Variants in CSTB observed in about 807,000 individuals in gnomAD.
CSTB encodes the protein cystatin B.
Under a neutral mutation model 7.6 loss-of-function variants are expected in CSTB, and 8 were observed. The ratio of observed to expected loss-of-function variants is 1.05; its 90% CI spans 0.62 to 1.89. The LOEUF (loss-of-function observed/expected upper bound fraction) is 1.89. CSTB is among the 40% of genes most tolerant of loss of function. The pLI is 0.00. For missense variants in CSTB, 124 were observed against 126.4 expected, an observed-to-expected ratio of 0.98 and a Z score of 0.09; for synonymous variants, 56 against 55.3, an observed-to-expected ratio of 1.01 and a Z score of -0.06.
At chr21:43,775,902 T>C (rs2084007578) in intron 1 of CSTB, 1 of 341,226 alleles carries the variant, frequency 2.9e-6, no homozygotes, top group Non-Finnish European at 5.3e-6. Context: ...GCCTCATCCC[T>C]GGGGTTTCCT....
At chr21:43,774,525 A>G (rs939794813) in intron 2 of CSTB, 133 bp downstream of exon 2, 6 of 1,116,672 alleles carry the variant, frequency 5.4e-6, no homozygotes, top group Non-Finnish European at 8.1e-6. Flanking sequence ...CGATGGACAC[A>G]CACAGTAGGA....
intron 1 of CSTB, 112 bp downstream of exon 1, chr21:43,776,092 G>T: frequency 9.6e-7 from 1 of 1,046,258 alleles, no homozygotes; most frequent in Non-Finnish European, 1.4e-6. Flanking sequence ...GCCCGGGCCA[G>T]CCCAGGGGTG....
intron 1 of CSTB, chr21:43,775,190 T>C: frequency 3.3e-6 from 1 of 302,676 alleles, no homozygotes; most frequent in Non-Finnish European, 6.5e-6. Context: ...GCCACTGCAC[T>C]CCACCCTGGG....
intron 1 of CSTB, 30 bp downstream of exon 1, chr21:43,776,174 G>T: frequency 6.6e-7 from 1 of 1,522,458 alleles, no homozygotes. Context: ...GCAGGACTCC[G>T]GGCCGGCCCC....
At position 43,774,006 on chromosome 21, in the gene CSTB, C is replaced by T. The variant is rs540274837; in HGVS notation, c.*196G>A. 1.5e-6 allele frequency: 1 copy of T among 649,792 alleles called. No individual in the cohort carries two copies. The highest frequency in any genetic ancestry group is 1.8e-5 in the African/African-American group (1 of 54,788). The allele number at this position is 649,792 out of a possible 1,614,324, so 40.3% of individuals were successfully genotyped here. On this transcript the variant is annotated 3_prime_UTR_variant, in exon 3 of 3. Coordinates refer to ENST00000291568, the MANE Select transcript of CSTB (RefSeq NM_000100.4). ...ATATTCTGAAAGTAATTAAGATCAC[C>T]TATTGGGAAGGAAAGAAATCAACAC...
At position 43,776,239 on chromosome 21, in the gene CSTB, G is replaced by T; in HGVS notation, c.31C>A (p.Pro11Thr). MMCGAPSATQ[P>T]ATAETQHIAD... ...ATGTGCTGGGTCTCGGCGGTGGCCG[G>T]CTGCGTGGCGGAGGGCGCCCCGCAC... The change falls in exon 1 of 3, where the codon CCG becomes ACG. Residue 11 changes from proline (P) to threonine (T), a missense_variant. By Grantham distance (38) the Pro-to-Thr change is conservative. Coordinates refer to ENST00000291568, the MANE Select transcript of CSTB (RefSeq NM_000100.4). 1.3e-6 allele frequency: 2 copies of T among 1,529,336 alleles called. No homozygotes were observed. The highest frequency in any genetic ancestry group is 8.8e-7 in the Non-Finnish European group (1 of 1,141,162). 94.7% of individuals were successfully genotyped at this position (1,529,336 alleles called of 1,614,324 possible).
Position 43,774,328 on chromosome 21 carries a change from C to T in CSTB, c.171G>A (p.Val57=), listed in dbSNP as rs778853977. 6.2e-7 allele frequency: 1 copy of T among 1,614,184 alleles called. No individual in the cohort carries two copies. The highest frequency in any genetic ancestry group is 8.5e-7 in the Non-Finnish European group (1 of 1,180,036). The change falls in exon 3 of 3, where the codon GTG becomes GTA. Residue 57 remains valine, a splice_region_variant and synonymous_variant. Coordinates refer to ENST00000291568, the MANE Select transcript of CSTB (RefSeq NM_000100.4). ...GTACGAAGTCCTCGTCGCCGACGTG[C>T]ACCTGGGAAGAGAGCGGAGTGAGCG... The part of the protein sequence containing the change: ...VVAGTNYFIK[V]HVGDEDFVHL...
Position 43,774,102 on chromosome 21 carries a change from C to T in CSTB, c.*100G>A. The T allele has an allele frequency of 1.3e-6, 2 of 1,532,710 alleles. No homozygotes were observed. The highest frequency in any genetic ancestry group is 2.3e-5 in the South Asian group (2 of 88,494). 94.9% of individuals were successfully genotyped at this position (1,532,710 alleles called of 1,614,324 possible). A position where few individuals can be genotyped will look rare whatever the true frequency, so the allele number is the denominator to read the frequency against. ...CCCCTTCCACCCCAAGGGGCACAGCCCGGAGATGAAGCTTATTTTAGGATC... is the reference window on the plus strand; with the variant it reads ...CCCCTTCCACCCCAAGGGGCACAGCTCGGAGATGAAGCTTATTTTAGGATC... On this transcript the variant is annotated 3_prime_UTR_variant, in exon 3 of 3. Coordinates refer to ENST00000291568, the MANE Select transcript of CSTB (RefSeq NM_000100.4).
chr21:43,776,141 C>A (rs1236549919), intron 1 of CSTB, 63 bp downstream of exon 1: 2 of 1,441,084 alleles, frequency 1.4e-6, no homozygotes, highest in African/African-American at 3.0e-5. Context: ...CTCCAGGAGC[C>A]GCGGCCGCGC....
In CSTB at chr21:43,774,750, G is replaced by A; in HGVS notation, c.76C>T (p.Gln26Ter). The A allele has an allele frequency of 6.2e-7, 1 of 1,613,770 alleles. No homozygotes were observed. Among genetic ancestry groups the A allele is most frequent in the African/African-American group, 1.3e-5 (1 of 75,018 alleles). The change falls in exon 2 of 3, where the codon CAG becomes TAG. Residue 26 changes from glutamine (Q) to a stop codon, truncating the protein, a stop_gained. Transcript: ENST00000291568. LOFTEE classifies it high-confidence loss of function. ...TTCTTGTTTTCTTTCTCTTCAAGCT[G>A]GGACCTCACCTAGACAGAAGGGACA... ...TQHIADQVRS[Q>*]LEEKENKKFP... is the part of the protein sequence containing the mutation.
intron 1 of CSTB, 187 bp from the exon 2 acceptor site, chr21:43,774,946 GGGT>G: frequency 1.5e-6 from 1 of 647,130 alleles, no homozygotes; most frequent in South Asian, 1.7e-5. Flanking sequence ...AGTTCCAGCT[GGGT>G]ACGGTGGCTC....
chr21:43,774,095 G>A lies in CSTB; in HGVS notation c.*107C>T, dbSNP rs2083998064. ...AATCCTGCCCCTTCCACCCCAAGGG[G>A]CACAGCCCGGAGATGAAGCTTATTT... On this transcript the variant is annotated 3_prime_UTR_variant, in exon 3 of 3. Coordinates refer to ENST00000291568, the MANE Select transcript of CSTB (RefSeq NM_000100.4). The A allele has an allele frequency of 1.4e-6, 2 of 1,480,830 alleles. No homozygotes were observed. The highest frequency in any genetic ancestry group is 1.4e-5 in the African/African-American group (1 of 72,224). 91.7% of individuals were successfully genotyped at this position (1,480,830 alleles called of 1,614,324 possible). A position where few individuals can be genotyped will look rare whatever the true frequency, so the allele number is the denominator to read the frequency against.
chr21:43,775,130 G>A (rs1372382767), intron 1 of CSTB: 1 of 348,086 alleles, frequency 2.9e-6, no homozygotes, highest in Non-Finnish European at 5.6e-6. Context: ...GGCTAAGGCA[G>A]GAGAATCCCT....
Position 43,774,102 on chromosome 21 carries a change from C to A in CSTB, c.*100G>T. 1.3e-6 allele frequency: 2 copies of A among 1,532,710 alleles called. No homozygotes were observed. Among genetic ancestry groups the A allele is most frequent in the Admixed American group, 1.7e-5 (1 of 59,246 alleles). The allele number at this position is 1,532,710 out of a possible 1,614,324, so 94.9% of individuals were successfully genotyped here. On this transcript the variant is annotated 3_prime_UTR_variant, in exon 3 of 3. Transcript: ENST00000291568. ...CCCCTTCCACCCCAAGGGGCACAGCCCGGAGATGAAGCTTATTTTAGGATC... is the reference window on the plus strand; with the variant it reads ...CCCCTTCCACCCCAAGGGGCACAGCACGGAGATGAAGCTTATTTTAGGATC...
intron 1 of CSTB, chr21:43,775,992 C>G: frequency 2.1e-6 from 1 of 477,866 alleles, no homozygotes. Flanking sequence ...TCAGCGGAGC[C>G]CAATGTCTCC....
At chr21:43,775,966 C>T (rs1446136473) in intron 1 of CSTB, 3 of 449,740 alleles carry the variant, frequency 6.7e-6, no homozygotes, top group African/African-American at 6.2e-5. Context: ...TCAATTCCCA[C>T]TCGCCCTTGC....
At chr21:43,774,520 G>A in intron 2 of CSTB, 138 bp downstream of exon 2, 1 of 1,121,140 alleles carries the variant, frequency 8.9e-7, no homozygotes, top group Non-Finnish European at 1.3e-6. Flanking sequence ...AAGGCCGATG[G>A]ACACACACAG....
rs1469392577 is a variant in CSTB at position 43,776,199 on chromosome 21, C to T, written c.66+5G>A. The T allele has an allele frequency of 6.5e-7, 1 of 1,530,810 alleles. No individual in the cohort carries two copies. Among genetic ancestry groups the T allele is most frequent in the Admixed American group, 2.0e-5 (1 of 50,566 alleles). The allele number at this position is 1,530,810 out of a possible 1,614,324, so 94.8% of individuals were successfully genotyped here. On this transcript the variant is annotated splice_donor_5th_base_variant and intron_variant, in intron 1 of 2. Transcript: ENST00000291568. ...GGGCCGGCCCCGTCCCCGCGGCCCA[C>T]CCACCTGGTCGGCGATGTGCTGGGT... is the stretch of plus-strand genomic sequence containing the variant.
chr21:43,775,194 C>A, intron 1 of CSTB: 1 of 297,930 alleles, frequency 3.4e-6, no homozygotes, highest in Non-Finnish European at 6.6e-6. Flanking sequence ...CTGCACTCCA[C>A]CCTGGGCAAG....
Sources: allele counts gnomAD v4.1 joint callset, GRCh38; gene constraint gnomAD v4.1.1; transcripts MANE v1.5; gene names NCBI Gene and HGNC (gene_info 2026-07-23, HGNC 2026-07-21).